YTHDF3: variants seen among roughly 807,000 people sequenced by gnomAD.
YTHDF3 encodes the protein YTH domain-containing family protein 3.
A neutral mutation model predicts 52.5 loss-of-function variants in YTHDF3; 9 were observed. That is an observed-to-expected ratio of 0.17 (90% CI 0.10 to 0.30). The LOEUF (loss-of-function observed/expected upper bound fraction) is 0.30, where lower values mean the gene tolerates loss of function less well. Among genes scored for constraint, YTHDF3 ranks in the 10% least tolerant of loss-of-function variants. The pLI, the probability that YTHDF3 is intolerant of heterozygous loss-of-function variation, is 1.00. For synonymous variants in YTHDF3, 274 were observed against 243.3 expected (o/e 1.13, Z -1.18); for missense variants, 534 against 715.0 (o/e 0.75, Z 2.89).
At position 63,171,419 on chromosome 8, in the gene YTHDF3, G is replaced by T. The variant is rs577833667; in HGVS notation, c.49+2008G>T. 2.8e-4 allele frequency among the ~76,000 whole-genome samples: 43 copies of T among 152,246 alleles called. No individual in the cohort carries two copies. In the South Asian group the frequency reaches 8.1e-3, roughly 29 times the overall value. ...TCCTCACTTAATCTATTTTTAAGGT[G>T]CAGGAAGACTCCTTTGCATGGAGCC... On this transcript the variant is annotated intron_variant, in intron 2 of 4. Transcript: ENST00000539294.
At chr8:63,168,553 A>G (rs1807045646), upstream of YTHDF3, 2 of 469,592 alleles carry the variant, frequency 4.3e-6, no homozygotes, top group Non-Finnish European at 7.6e-6. Flanking sequence ...AGGGTGGGGG[A>G]GGAAGAGCGA....
chr8:63,187,208 G>A lies in YTHDF3; in HGVS notation c.1197G>A (p.Lys399=). Residue 399 remains lysine (K), a synonymous_variant, in exon 4 of 5, where the codon AAG becomes AAA. Transcript: ENST00000539294. ...TGCATCCCGTGCTGGAAAAGCTAAA[G>A]GCCATAAACAACTATAATCCCAAAG... ...VEVHPVLEKL[K]AINNYNPKDF... is the part of the protein sequence containing the mutation. The A allele has an allele frequency of 6.2e-7, 1 of 1,613,992 alleles. No individual in the cohort carries two copies. Among genetic ancestry groups the A allele is most frequent in the Non-Finnish European group, 8.5e-7 (1 of 1,179,890 alleles).
At chr8:63,203,985 G>A (rs1454003458) in intron 4 of YTHDF3, among the ~76,000 whole-genome samples, 3 of 152,048 alleles carry the variant, frequency 2.0e-5, no homozygotes, top group Non-Finnish European at 2.9e-5. Context: ...ACCATAAAAT[G>A]TTCTGTTATT....
chr8:63,169,506 T>TG, intron 2 of YTHDF3, 95 bp downstream of exon 2: 1 of 1,337,110 alleles, frequency 7.5e-7, no homozygotes, highest in Non-Finnish European at 1.0e-6. Flanking sequence ...TGCTCCCTCT[T>TG]GGGAAAAAAT....
At chr8:63,173,704 G>T (rs1357704191) in intron 2 of YTHDF3, 1 of 985,012 alleles carries the variant, frequency 1.0e-6, no homozygotes, top group Non-Finnish European at 1.2e-6. Context: ...CTCTTGGACT[G>T]AAATGAATAA....
chr8:63,192,558 T>TA (rs370031848), intron 4 of YTHDF3, among the ~76,000 whole-genome samples: 36 of 152,324 alleles, frequency 2.4e-4, no homozygotes, highest in Middle Eastern at 3.4e-3. Context: ...GGTTAGCATA[T>TA]AGGGTACCAT....
chr8:63,190,423 TTATTA>T (rs1262035553), intron 4 of YTHDF3, among the ~76,000 whole-genome samples: 1 of 152,188 alleles, frequency 6.6e-6, no homozygotes, highest in Non-Finnish European at 1.5e-5. Flanking sequence ...TGTAGCTGTA[TTATTA>T]TATATATTGT....
intron 4 of YTHDF3, among the ~76,000 whole-genome samples, chr8:63,197,482 A>T (rs1809313184): frequency 6.6e-6 from 1 of 152,214 alleles, no homozygotes; most frequent in Non-Finnish European, 1.5e-5. Context: ...TAAATCACTT[A>T]TTGTCTAATC....
intron 2 of YTHDF3, chr8:63,173,535 T>C (rs753971234): frequency 1.0e-5 from 4 of 392,652 alleles, no homozygotes; most frequent in Non-Finnish European, 1.4e-5. Context: ...GAGAGATAGT[T>C]AGTCATAATT....
intron 3 of YTHDF3, among the ~76,000 whole-genome samples, chr8:63,182,345 A>G (rs776313343): frequency 1.3e-5 from 2 of 149,288 alleles, no homozygotes; most frequent in Non-Finnish European, 3.0e-5. Context: ...AGCTGGGATT[A>G]CAAGCACAAG....
intron 4 of YTHDF3, among the ~76,000 whole-genome samples, chr8:63,197,908 T>G (rs115158101): frequency 6.6e-6 from 1 of 152,244 alleles, no homozygotes; most frequent in Non-Finnish European, 1.5e-5. Context: ...GTAGTGAATG[T>G]GAGTCATTTA....
At chr8:63,170,372 G>A (rs1264527992) in intron 2 of YTHDF3, among the ~76,000 whole-genome samples, 1 of 152,128 alleles carries the variant, frequency 6.6e-6, no homozygotes, top group East Asian at 1.9e-4. Flanking sequence ...TGCAAATTTG[G>A]TGAATTTAAT....
At chr8:63,175,278 C>G (rs1233257932) in intron 2 of YTHDF3, 53 bp from the exon 3 acceptor site, 2 of 1,319,408 alleles carry the variant, frequency 1.5e-6, no homozygotes, top group African/African-American at 2.9e-5. Flanking sequence ...TTAGGTTGTG[C>G]TGCGAGTTTC....
At chr8:63,172,302 C>T (rs1027606118) in intron 2 of YTHDF3, among the ~76,000 whole-genome samples, 3 of 152,134 alleles carry the variant, frequency 2.0e-5, no homozygotes, top group Admixed American at 6.5e-5. Flanking sequence ...GCCATACTTA[C>T]AGTCTTAGGC....
chr8:63,209,321 C>G (rs1323603992), intron 4 of YTHDF3, among the ~76,000 whole-genome samples: 2 of 152,082 alleles, frequency 1.3e-5, no homozygotes, highest in African/African-American at 2.4e-5. Flanking sequence ...ACCTTTTTCT[C>G]CTGCCCCTAC....
intron 3 of YTHDF3, among the ~76,000 whole-genome samples, chr8:63,180,756 G>A (rs974319965): frequency 1.3e-5 from 2 of 152,246 alleles, no homozygotes; most frequent in Non-Finnish European, 2.9e-5. Flanking sequence ...CGGATCACTC[G>A]CGGTTAGGAG....
intron 3 of YTHDF3, among the ~76,000 whole-genome samples, chr8:63,185,404 T>TAAAA (rs893684154): frequency 6.6e-6 from 1 of 151,632 alleles, no homozygotes; most frequent in East Asian, 1.9e-4. Flanking sequence ...ATTACTAAAT[T>TAAAA]AAAAAAAACC....
intron 4 of YTHDF3, among the ~76,000 whole-genome samples, chr8:63,201,333 G>A (rs1809630988): frequency 6.6e-6 from 1 of 151,810 alleles, no homozygotes; most frequent in African/African-American, 2.4e-5. Context: ...AGACCACGCT[G>A]GCCAACATAG....
In YTHDF3 at chr8:63,212,565, TAA is replaced by T. The variant is rs983968435; in HGVS notation, c.*2861_*2862del. Reference sequence around the variant, plus strand: ...TTTGCATATCTTTTGTTATGCCATGTAAATTCCCTTTTTCGTATGATTAAAGG... The same window carrying T: ...TTTGCATATCTTTTGTTATGCCATGTATTCCCTTTTTCGTATGATTAAAGG... On this transcript the variant is annotated 3_prime_UTR_variant, in exon 5 of 5. Transcript: ENST00000539294. The T allele has an allele frequency of 2.0e-5, 3 of 152,668 alleles. No homozygotes were observed. Among genetic ancestry groups the T allele is most frequent in the African/African-American group, 7.2e-5 (3 of 41,470 alleles). The allele number at this position is 152,668 out of a possible 1,614,324, so 9.5% of individuals were successfully genotyped here. A position where few individuals can be genotyped will look rare whatever the true frequency, so the allele number is the denominator to read the frequency against.
Sources: gnomAD v4.1 joint callset for allele counts (sites outside exome capture counted in the v4.1 genomes callset) on GRCh38, gnomAD v4.1.1 for gene constraint, MANE v1.5 for transcripts, NCBI Gene and HGNC (gene_info 2026-07-23, HGNC 2026-07-21) for gene names.